Variants in SORBS2 observed in about 807,000 individuals in gnomAD.
SORBS2 encodes the protein sorbin and SH3 domain containing 2.
In SORBS2, 46 loss-of-function variants were observed where a neutral mutation model predicts 97.7. The ratio of observed to expected loss-of-function variants is 0.47; its 90% CI spans 0.37 to 0.60. The LOEUF (loss-of-function observed/expected upper bound fraction) is 0.60, where lower values mean the gene tolerates loss of function less well. Ranked by LOEUF, SORBS2 falls within the 20% of genes least tolerant of loss-of-function variation. The pLI, the probability that SORBS2 is intolerant of heterozygous loss-of-function variation, is 0.00. For synonymous variants in SORBS2, 476 were observed against 473.4 expected, an observed-to-expected ratio of 1.01 and a Z score of -0.07; for missense variants, 1,316 against 1,282.3, an observed-to-expected ratio of 1.03 and a Z score of -0.40.
intron 4 of SORBS2, among the ~76,000 whole-genome samples, 168 bp from the exon 8 acceptor site, chr4:185,662,410 T>C (rs1254602045): frequency 6.6e-6 from 1 of 152,220 alleles, no homozygotes; most frequent in Non-Finnish European, 1.5e-5. Flanking sequence ...CTTTGCCTTC[T>C]CTCTATTCCC....
At chr4:185,742,504 C>A (rs2098733624) in intron 2 of SORBS2, among the ~76,000 whole-genome samples, 1 of 152,188 alleles carries the variant, frequency 6.6e-6, no homozygotes, top group South Asian at 2.1e-4. Flanking sequence ...CCAGAAATGT[C>A]CAGCACAGAT....
intron 2 of SORBS2, among the ~76,000 whole-genome samples, chr4:185,718,336 A>C (rs1468618746): frequency 6.6e-6 from 1 of 152,238 alleles, no homozygotes; most frequent in East Asian, 1.9e-4. Flanking sequence ...TAGCATCATA[A>C]ACATTATTTC....
chr4:185,932,002 C>A (rs77682138), intron 1 of SORBS2, among the ~76,000 whole-genome samples: 23,668 of 148,088 alleles, frequency 0.16, 1,937 homozygotes, highest in Admixed American at 0.19. Flanking sequence ...CTCTCTCTCT[C>A]TATATATATA....
rs1209191907 is a variant in SORBS2 at position 185,630,536 on chromosome 4, A to G, written c.446+13T>C. The G allele has an allele frequency of 1.9e-6, 3 of 1,545,136 alleles. No individual in the cohort carries two copies. The highest frequency in any genetic ancestry group is 1.7e-4 in the Middle Eastern group (1 of 5,740). On this transcript the variant is annotated intron_variant, in intron 5 of 14. Coordinates refer to ENST00000418609, the Ensembl canonical transcript of SORBS2. ...GTATAGAATATTCTGCTACAACATA[A>G]TAAGATTCTTACCTCATGGGTCTTT...
intron 1 of SORBS2, among the ~76,000 whole-genome samples, chr4:185,906,327 C>T (rs1280205854): frequency 6.6e-6 from 1 of 152,222 alleles, no homozygotes; most frequent in Non-Finnish European, 1.5e-5. Flanking sequence ...GCCACCACGC[C>T]TGGCCTGTTT....
chr4:185,886,695 A>G (rs922223446), intron 1 of SORBS2, among the ~76,000 whole-genome samples: 24 of 152,280 alleles, frequency 1.6e-4, no homozygotes, highest in African/African-American at 5.8e-4. Flanking sequence ...ACATGCTAAA[A>G]GGAAATTAGA....
At chr4:185,615,218 A>C in intron 9 of SORBS2, 59 bp from the exon 22 acceptor site, 1 of 989,518 alleles carries the variant, frequency 1.0e-6, no homozygotes, top group Non-Finnish European at 1.6e-6. Context: ...TCTCAAGATC[A>C]ACACCCTCGC....
chr4:185,887,720 C>T (rs553573525), intron 1 of SORBS2, among the ~76,000 whole-genome samples: 4 of 152,162 alleles, frequency 2.6e-5, no homozygotes, highest in Non-Finnish European at 4.4e-5. Flanking sequence ...TAGCACCCTC[C>T]TACTATAGGA....
Position 185,623,279 on chromosome 4 carries a change from G to A in SORBS2, c.1850C>T (p.Ala617Val). ...TGCCTTTTCAGTCTGTTTCTTAGGA[G>A]CCGAATTTTTTTTCCTCCGGAAAGG... The change falls in exon 7 of 15, where the codon GCT becomes GTT. Residue 617 changes from alanine (A) to valine (V), a missense_variant. Physicochemically the swap from Ala to Val is moderately conservative, Grantham distance 64. Coordinates refer to ENST00000418609, the Ensembl canonical transcript of SORBS2. The surrounding 1 kb of genome is among the most constrained non-coding windows in gnomAD (Gnocchi z 6.4). 3.1e-6 allele frequency: 5 copies of A among 1,614,122 alleles called. No individual in the cohort carries two copies. The highest frequency in any genetic ancestry group is 3.4e-6 in the Non-Finnish European group (4 of 1,180,032).
intron 2 of SORBS2, among the ~76,000 whole-genome samples, chr4:185,709,324 T>TTTTTTTTTTTTTTTTTTTC (rs2098395996): frequency 6.7e-6 from 1 of 148,168 alleles, no homozygotes; most frequent in Non-Finnish European, 1.5e-5. Flanking sequence ...TTTTTTTTTT[T>TTTTTTTTTTTTTTTTTTTC]AGTAAAAGGA....
At chr4:185,890,935 C>G (rs1324893113) in intron 1 of SORBS2, among the ~76,000 whole-genome samples, 1 of 94,142 alleles carries the variant, frequency 1.1e-5, no homozygotes, top group Non-Finnish European at 2.2e-5. Flanking sequence ...TTATACAGAG[C>G]TGATAGTAAA....
chr4:185,883,231 AT>A (rs1370954016), intron 1 of SORBS2, among the ~76,000 whole-genome samples: 1 of 152,226 alleles, frequency 6.6e-6, no homozygotes, highest in Non-Finnish European at 1.5e-5. Context: ...AATTTTTAAA[AT>A]GGTATAGAGA....
rs138887433 is a variant in SORBS2, at chr4:185,646,340, C to T, written c.396+328G>A. ...CAGTTAGAGTTACATGCAAATGAAT[C>T]TTGCATATAAATATATATATGTGTG... On this transcript the variant is annotated intron_variant, in intron 4 of 14. Transcript: ENST00000418609. The T allele has an allele frequency of 3.8e-3, 682 of 180,920 alleles. 13 individuals carry two copies. Among genetic ancestry groups the T allele is most frequent in the East Asian group, 3.3e-3 (24 of 7,274 alleles). The allele number at this position is 180,920 out of a possible 1,614,324, so 11.2% of individuals were successfully genotyped here. A position where few individuals can be genotyped will look rare whatever the true frequency, so the allele number is the denominator to read the frequency against.
intron 2 of SORBS2, among the ~76,000 whole-genome samples, chr4:185,704,730 C>A (rs1436313834): frequency 6.6e-6 from 1 of 152,208 alleles, no homozygotes; most frequent in African/African-American, 2.4e-5. Context: ...AGAAATAAGA[C>A]AAGAAACATT....
At chr4:185,647,412 C>CTTT (rs376002220) in intron 3 of SORBS2, among the ~76,000 whole-genome samples, 64 of 131,660 alleles carry the variant, frequency 4.9e-4, no homozygotes, top group African/African-American at 1.6e-3. Context: ...AAGAAGGCTT[C>CTTT]TTTTTTTTTT....
chr4:185,853,359 T>C (rs923797387), intron 1 of SORBS2, among the ~76,000 whole-genome samples: 6 of 152,188 alleles, frequency 3.9e-5, no homozygotes, highest in South Asian at 4.1e-4. Flanking sequence ...AAGTATGCTA[T>C]CTTTGAGGTA....
At chr4:185,951,514 C>T (rs1047294193) in intron 1 of SORBS2, among the ~76,000 whole-genome samples, 1 of 152,216 alleles carries the variant, frequency 6.6e-6, no homozygotes, top group South Asian at 2.1e-4. Flanking sequence ...CCTTTCTCAA[C>T]AGCCCTCCCT....
intron 1 of SORBS2, among the ~76,000 whole-genome samples, chr4:185,655,723 A>G (rs1312956377): frequency 6.6e-6 from 1 of 152,244 alleles, no homozygotes; most frequent in African/African-American, 2.4e-5. Context: ...AAGATGATTT[A>G]ATTTTCATCA....
chr4:185,857,789 C>T (rs543245641), intron 1 of SORBS2, among the ~76,000 whole-genome samples: 2 of 152,296 alleles, frequency 1.3e-5, no homozygotes, highest in South Asian at 4.1e-4. Flanking sequence ...CTGCAGTGCC[C>T]TCAGGCCTAC....
Sources: allele counts gnomAD v4.1 joint callset (sites outside exome capture counted in the v4.1 genomes callset), GRCh38; gene constraint gnomAD v4.1.1; non-coding constraint Gnocchi (gnomAD v3.1); transcripts MANE v1.5; gene names NCBI Gene and HGNC (gene_info 2026-07-23, HGNC 2026-07-21).